The following ARB2A variants were observed in gnomAD, a reference collection of about 807,000 sequenced individuals.
ARB2A encodes cotranscriptional regulator ARB2A.
chr5:94,085,836 G>A, the ARB2A span, among the ~76,000 whole-genome samples: 3 of 152,102 alleles, frequency 2.0e-5, no homozygotes, highest in Non-Finnish European at 2.9e-5. Context: ...ACTCAAAAAC[G>A]TAGATGAATT....
At chr5:93,766,488 G>C in the ARB2A span, among the ~76,000 whole-genome samples, 19 of 152,146 alleles carry the variant, frequency 1.2e-4, no homozygotes, top group Admixed American at 1.2e-3. Context: ...ACCACAATGA[G>C]ATACCATCTT....
At chr5:93,641,860 A>AAT in the ARB2A span, among the ~76,000 whole-genome samples, 1 of 152,214 alleles carries the variant, frequency 6.6e-6, no homozygotes, top group Admixed American at 6.5e-5. Flanking sequence ...TATATACATT[A>AAT]TAGTAGGAAA....
chr5:93,749,229 T>A, the ARB2A span, among the ~76,000 whole-genome samples: 1 of 152,180 alleles, frequency 6.6e-6, no homozygotes, highest in African/African-American at 2.4e-5. Context: ...CATCTGTACA[T>A]GAACTGAAAG....
At chr5:93,830,329 A>C in the ARB2A span, among the ~76,000 whole-genome samples, 1 of 137,422 alleles carries the variant, frequency 7.3e-6, no homozygotes, top group African/African-American at 2.7e-5. Flanking sequence ...ATATATATAT[A>C]TATATATATA....
At chr5:93,809,846 G>A in the ARB2A span, among the ~76,000 whole-genome samples, 4 of 152,008 alleles carry the variant, frequency 2.6e-5, no homozygotes, top group East Asian at 7.7e-4. Context: ...AGCAACTATG[G>A]TTTCACGTCT....
At chr5:93,804,859 G>T in the ARB2A span, 2 of 779,836 alleles carry the variant, frequency 2.6e-6, no homozygotes, top group Non-Finnish European at 3.1e-6. Context: ...TTTGAAATTT[G>T]TACATATACT....
At chr5:94,084,678 T>C in the ARB2A span, among the ~76,000 whole-genome samples, 5 of 152,008 alleles carry the variant, frequency 3.3e-5, no homozygotes, top group Non-Finnish European at 5.9e-5. Context: ...AATAAACAAA[T>C]TGACAAATAG....
At chr5:93,683,779 A>T in the ARB2A span, 3 of 1,423,726 alleles carry the variant, frequency 2.1e-6, no homozygotes, top group South Asian at 3.4e-5. Flanking sequence ...ACGCTGCTGC[A>T]GAGAACAGCC....
the ARB2A span, among the ~76,000 whole-genome samples, chr5:93,633,116 G>A: frequency 6.6e-6 from 1 of 152,184 alleles, no homozygotes; most frequent in African/African-American, 2.4e-5. Context: ...CTCACAGCCT[G>A]AGTCATCTTT....
chr5:94,016,321 A>G, the ARB2A span, among the ~76,000 whole-genome samples: 3 of 152,226 alleles, frequency 2.0e-5, no homozygotes, highest in African/African-American at 4.8e-5. Context: ...CCTTAACTAA[A>G]GTATTATGAA....
chr5:93,865,392 T>A, the ARB2A span: 1 of 985,398 alleles, frequency 1.0e-6, no homozygotes, highest in Non-Finnish European at 1.2e-6. Flanking sequence ...TCCTGGATAA[T>A]TTCATGTGAG....
the ARB2A span, among the ~76,000 whole-genome samples, chr5:93,695,554 T>A: frequency 6.6e-6 from 1 of 152,152 alleles, no homozygotes. Context: ...GGAGAGGATG[T>A]AGAGAAATAG....
the ARB2A span, among the ~76,000 whole-genome samples, chr5:93,800,320 C>T: frequency 6.5e-4 from 98 of 151,352 alleles, no homozygotes; most frequent in Admixed American, 1.9e-3. Context: ...ATTTAAATTA[C>T]TCATGTTAAA....
the ARB2A span, among the ~76,000 whole-genome samples, chr5:93,709,502 G>A: frequency 3.3e-5 from 5 of 151,322 alleles, no homozygotes; most frequent in African/African-American, 4.9e-5. Context: ...GCGTGGAGGT[G>A]TGCACCTGTA....
chr5:93,943,488 C>T, the ARB2A span, among the ~76,000 whole-genome samples: 1 of 152,094 alleles, frequency 6.6e-6, no homozygotes, highest in South Asian at 2.1e-4. Context: ...GTTTAGACTA[C>T]ATAAATATTA....
the ARB2A span, among the ~76,000 whole-genome samples, chr5:93,933,453 C>T: frequency 4.6e-5 from 7 of 152,114 alleles, no homozygotes; most frequent in Non-Finnish European, 1.0e-4. Flanking sequence ...ACATATACAC[C>T]ATGGAGTACT....
the ARB2A span, among the ~76,000 whole-genome samples, chr5:94,061,010 A>G: frequency 0.11 from 16,055 of 152,234 alleles, 965 homozygotes; most frequent in Middle Eastern, 0.16. Context: ...AGGCCGAGAC[A>G]GGTGGATCAC....
chr5:93,686,955 C>G, the ARB2A span, among the ~76,000 whole-genome samples: 1 of 151,984 alleles, frequency 6.6e-6, no homozygotes, highest in African/African-American at 2.4e-5. Context: ...TAAAAAAAAA[C>G]TGCATTTTTG....
At chr5:93,900,470 G>T in the ARB2A span, among the ~76,000 whole-genome samples, 2 of 151,950 alleles carry the variant, frequency 1.3e-5, no homozygotes, top group Non-Finnish European at 2.9e-5. Context: ...AATTAGCCAG[G>T]CTTGGTGGTG....
Sources: allele counts gnomAD v4.1 joint callset (sites outside exome capture counted in the v4.1 genomes callset), GRCh38; gene constraint gnomAD v4.1.1; transcripts MANE v1.5; gene names NCBI Gene and HGNC (gene_info 2026-07-23, HGNC 2026-07-21).